Variants in CWC27 observed in about 807,000 individuals in gnomAD.
CWC27 encodes the protein CWC27 spliceosome associated cyclophilin, also known as spliceosome-associated protein CWC27 homolog.
Under a neutral mutation model 63.6 loss-of-function variants are expected in CWC27, and 47 were observed. The ratio of observed to expected loss-of-function variants is 0.74; its 90% CI spans 0.58 to 0.94. CWC27 has a LOEUF of 0.94. Among genes scored for constraint, CWC27 ranks in the 40% least tolerant of loss-of-function variants. The pLI, the probability that CWC27 is intolerant of heterozygous loss-of-function variation, is 0.00. For synonymous variants in CWC27, 175 were observed against 179.8 expected (o/e 0.97, Z 0.22); for missense variants, 495 against 554.3 (o/e 0.89, Z 1.07).
In CWC27 at chr5:65,012,867, T is replaced by C. The variant is rs1749986559; in HGVS notation, c.1257-5292T>C. Among the ~76,000 whole-genome samples, 3 of 152,188 alleles carry C rather than the reference T, an allele frequency of 2.0e-5. No homozygotes were observed. In the South Asian group the frequency reaches 6.2e-4, roughly 32 times the overall value. ...TTCTGTGCCCTTTACTTTGACTGCA[T>C]TTAAAAATAACTAGGAACATTTTTT... On this transcript the variant is annotated intron_variant, in intron 13 of 13. Transcript: ENST00000381070.
intron 10 of CWC27, among the ~76,000 whole-genome samples, chr5:64,875,230 A>G (rs2367113): frequency 0.15 from 22,919 of 152,122 alleles, 2,275 homozygotes; most frequent in East Asian, 0.34. Context: ...TCTTTTCATT[A>G]AAAATACATA....
At chr5:64,874,154 CTTTTTTTT>C (rs748768571) in intron 10 of CWC27, among the ~76,000 whole-genome samples, 5 of 48,774 alleles carry the variant, frequency 1.0e-4, no homozygotes, top group African/African-American at 4.3e-4. Context: ...ATTGTTGATG[CTTTTTTTT>C]TTTTTTTTTT....
intron 10 of CWC27, among the ~76,000 whole-genome samples, chr5:64,861,886 A>C (rs1328216670): frequency 1.3e-5 from 2 of 152,200 alleles, no homozygotes; most frequent in Non-Finnish European, 2.9e-5. Context: ...ATATCATGCT[A>C]TTTAAAGACT....
chr5:64,871,610 T>C (rs545485171), intron 10 of CWC27, among the ~76,000 whole-genome samples: 2 of 152,206 alleles, frequency 1.3e-5, no homozygotes, highest in South Asian at 4.1e-4. Flanking sequence ...CTTAAGGAGT[T>C]TGGACTTTGA....
chr5:64,947,257 T>A lies in CWC27; in HGVS notation c.1043-24446T>A, dbSNP rs78130391. Among the ~76,000 whole-genome samples, 61 of 152,194 alleles carry A rather than the reference T, an allele frequency of 4.0e-4. No homozygotes were observed. The East Asian group carries it at 8.9e-3, about 22-fold the overall frequency. On this transcript the variant is annotated intron_variant, in intron 11 of 13. Transcript: ENST00000381070. ...ACACTGTTCCATCAGATAAAGCTGT[T>A]ACTAACATAAAAGATGAGGGGGCTG... is the stretch of plus-strand genomic sequence containing the variant.
intron 10 of CWC27, among the ~76,000 whole-genome samples, chr5:64,813,997 G>T (rs1744958412): frequency 6.6e-6 from 1 of 151,920 alleles, no homozygotes; most frequent in South Asian, 2.1e-4. Context: ...TGGGTCACAT[G>T]CAGTCCAGGA....
At chr5:64,861,670 A>G (rs1330650788) in intron 10 of CWC27, among the ~76,000 whole-genome samples, 1 of 152,208 alleles carries the variant, frequency 6.6e-6, no homozygotes, top group East Asian at 1.9e-4. Context: ...ATAAAGTTAA[A>G]ACAATGAAGA....
intron 11 of CWC27, among the ~76,000 whole-genome samples, chr5:64,920,154 A>G (rs1747970050): frequency 1.3e-5 from 2 of 152,036 alleles, no homozygotes; most frequent in African/African-American, 2.4e-5. Flanking sequence ...TTTTTTGTAG[A>G]GACAGGGTTT....
intron 10 of CWC27, among the ~76,000 whole-genome samples, chr5:64,867,533 C>T (rs1256460374): frequency 6.6e-6 from 1 of 151,988 alleles, no homozygotes; most frequent in Non-Finnish European, 1.5e-5. Flanking sequence ...CTGAACCATG[C>T]GGTAAGACTG....
At chr5:64,936,172 T>C (rs892502637) in intron 11 of CWC27, among the ~76,000 whole-genome samples, 4 of 152,128 alleles carry the variant, frequency 2.6e-5, no homozygotes, top group African/African-American at 9.7e-5. Context: ...ATCCTTGTCT[T>C]GTGCTGGTTT....
At chr5:64,911,971 G>C (rs749712055) in intron 11 of CWC27, among the ~76,000 whole-genome samples, 1 of 151,980 alleles carries the variant, frequency 6.6e-6, no homozygotes, top group Middle Eastern at 3.4e-3. Flanking sequence ...CTACTTGGGA[G>C]GCTGAGGCAG....
chr5:64,907,422 T>C (rs1747672145), intron 11 of CWC27, among the ~76,000 whole-genome samples: 1 of 152,218 alleles, frequency 6.6e-6, no homozygotes, highest in African/African-American at 2.4e-5. Context: ...TTATTCTCTT[T>C]GTAACAATTG....
At chr5:64,985,818 T>C (rs917648721) in intron 13 of CWC27, among the ~76,000 whole-genome samples, 1 of 152,220 alleles carries the variant, frequency 6.6e-6, no homozygotes, top group South Asian at 2.1e-4. Context: ...CATTCTTCCT[T>C]TGTTCCCAGT....
chr5:64,947,031 C>T lies in CWC27; in HGVS notation c.1043-24672C>T, dbSNP rs1429323029. 2.0e-5 allele frequency among the ~76,000 whole-genome samples: 3 copies of T among 152,172 alleles called. No individual in the cohort carries two copies. In the East Asian group the frequency reaches 5.8e-4, roughly 29 times the overall value. On this transcript the variant is annotated intron_variant, in intron 11 of 13. Transcript: ENST00000381070. ...CTGAGCACCTTCTTGTATCTATTGG[C>T]CATTTATTTGGCTTTCTTTGATCCT...
At chr5:64,806,807 A>G (rs737137) in intron 10 of CWC27, among the ~76,000 whole-genome samples, 56,566 of 151,882 alleles carry the variant, frequency 0.37, 11,312 homozygotes, top group East Asian at 0.51. Flanking sequence ...CTGTATGGGC[A>G]ACAGAGCAAG....
chr5:64,941,829 C>T (rs1032127320), intron 11 of CWC27, among the ~76,000 whole-genome samples: 3 of 152,036 alleles, frequency 2.0e-5, no homozygotes, highest in Non-Finnish European at 4.4e-5. Flanking sequence ...GGCTTCATTA[C>T]TTGCTCCAAT....
chr5:64,997,064 A>T (rs1342299630), intron 13 of CWC27, among the ~76,000 whole-genome samples: 2 of 152,116 alleles, frequency 1.3e-5, no homozygotes, highest in Non-Finnish European at 2.9e-5. Context: ...TTATATCCCT[A>T]ATATTATATC....
chr5:64,977,859 C>CT (rs1218390395), intron 13 of CWC27, among the ~76,000 whole-genome samples: 1 of 152,128 alleles, frequency 6.6e-6, no homozygotes, highest in African/African-American at 2.4e-5. Context: ...TCACACCCCT[C>CT]TGTCCTCAAG....
intron 11 of CWC27, among the ~76,000 whole-genome samples, chr5:64,942,409 G>A (rs905786971): frequency 7.0e-6 from 1 of 143,470 alleles, no homozygotes; most frequent in Non-Finnish European, 1.5e-5. Flanking sequence ...GCACTCAAGC[G>A]TGGGTGACAG....
Sources: gnomAD v4.1 joint callset for allele counts (sites outside exome capture counted in the v4.1 genomes callset) on GRCh38, gnomAD v4.1.1 for gene constraint, MANE v1.5 for transcripts, NCBI Gene and HGNC (gene_info 2026-07-23, HGNC 2026-07-21) for gene names.